Variants in TMEM266 observed in about 807,000 individuals in gnomAD.
The protein encoded by TMEM266 is Hv1 related protein 1.
In TMEM266, 33 loss-of-function variants were observed where a neutral mutation model predicts 50.5. That is an observed-to-expected ratio of 0.65 (90% CI 0.50 to 0.87). The LOEUF is 0.87. Ranked by LOEUF, TMEM266 falls within the 40% of genes least tolerant of loss-of-function variation. TMEM266 has a pLI of 0.00. For synonymous variants in TMEM266, 310 were observed against 292.3 expected (o/e 1.06, Z -0.62); for missense variants, 655 against 695.1 (o/e 0.94, Z 0.65).
intron 6 of TMEM266, 139 bp from the exon 7 acceptor site, chr15:76,170,853 GC>G: frequency 1.0e-6 from 1 of 975,574 alleles, no homozygotes; most frequent in East Asian, 2.7e-5. Flanking sequence ...GTCAGGAGGG[GC>G]CACCCGGGGT....
chr15:76,171,191 T>C, intron 7 of TMEM266, 60 bp downstream of exon 7: 2 of 1,588,564 alleles, frequency 1.3e-6, no homozygotes, highest in East Asian at 2.3e-5. Flanking sequence ...GGCTTTCAAC[T>C]GAGAGGAGAT....
Position 76,204,468 on chromosome 15 carries a change from G to A in TMEM266, c.*153G>A, listed in dbSNP as rs1283214485. Reference sequence around the variant, plus strand: ...CCTCCAGGGAGGCGACGCCAGGCCAGGAGGCCACAAGCTTCAGACCTCAAA... The same window carrying A: ...CCTCCAGGGAGGCGACGCCAGGCCAAGAGGCCACAAGCTTCAGACCTCAAA... On this transcript the variant is annotated 3_prime_UTR_variant, in exon 11 of 11. Transcript: ENST00000388942. 3.0e-6 allele frequency: 2 copies of A among 661,672 alleles called. No homozygotes were observed. The highest frequency in any genetic ancestry group is 5.1e-6 in the Non-Finnish European group (2 of 395,838). 41.0% of individuals were successfully genotyped at this position (661,672 alleles called of 1,614,324 possible). A position where few individuals can be genotyped will look rare whatever the true frequency, so the allele number is the denominator to read the frequency against.
At chr15:76,180,005 T>C (rs2038374195) in intron 8 of TMEM266, among the ~76,000 whole-genome samples, 1 of 152,206 alleles carries the variant, frequency 6.6e-6, no homozygotes, top group South Asian at 2.1e-4. Flanking sequence ...CTTGCTCTCT[T>C]GCTGGGGTGT....
intron 5 of TMEM266, among the ~76,000 whole-genome samples, chr15:76,162,623 C>T (rs1206959315): frequency 3.9e-5 from 6 of 152,182 alleles, no homozygotes; most frequent in Admixed American, 2.6e-4. Context: ...TAGGGTTATG[C>T]GGCCAGTTAA....
intron 1 of TMEM266, among the ~76,000 whole-genome samples, chr15:76,131,238 G>C (rs2037505427): frequency 6.6e-6 from 1 of 152,144 alleles, no homozygotes; most frequent in African/African-American, 2.4e-5. Flanking sequence ...GTGGTGGCAG[G>C]CACCTGTAAT....
chr15:76,192,701 C>CTA (rs1472773385), intron 9 of TMEM266, among the ~76,000 whole-genome samples: 2 of 152,138 alleles, frequency 1.3e-5, no homozygotes, highest in Non-Finnish European at 2.9e-5. Flanking sequence ...GGAACACGAG[C>CTA]GATAGCCCAG....
At chr15:76,072,004 A>C (rs926565091) in intron 1 of TMEM266, among the ~76,000 whole-genome samples, 1 of 152,164 alleles carries the variant, frequency 6.6e-6, no homozygotes, top group African/African-American at 2.4e-5. Context: ...GTTATCATCA[A>C]GGGGCAGGGA....
chr15:76,063,012 C>A (rs1171497234), intron 1 of TMEM266, among the ~76,000 whole-genome samples: 1 of 152,114 alleles, frequency 6.6e-6, no homozygotes, highest in African/African-American at 2.4e-5. Context: ...CTTGATCGAC[C>A]TTGTAAGCTA....
At chr15:76,155,928 G>A (rs923789286) in intron 3 of TMEM266, among the ~76,000 whole-genome samples, 2 of 152,150 alleles carry the variant, frequency 1.3e-5, no homozygotes, top group African/African-American at 2.4e-5. Context: ...TTAGACACAC[G>A]GAAGTGCAGT....
intron 10 of TMEM266, 83 bp from the exon 11 acceptor site, chr15:76,203,658 C>T (rs376551703): frequency 4.9e-5 from 66 of 1,345,224 alleles, no homozygotes; most frequent in Middle Eastern, 3.7e-4. Flanking sequence ...CATTGCCCAC[C>T]GCCCGGCTCA....
intron 1 of TMEM266, among the ~76,000 whole-genome samples, chr15:76,097,315 A>G (rs1399471343): frequency 6.6e-6 from 1 of 152,044 alleles, no homozygotes; most frequent in East Asian, 1.9e-4. Flanking sequence ...GATGGTGACA[A>G]AATCTCTCAG....
At chr15:76,119,789 A>G in intron 1 of TMEM266, among the ~76,000 whole-genome samples, 1 of 152,216 alleles carries the variant, frequency 6.6e-6, no homozygotes, top group East Asian at 1.9e-4. Context: ...AATTAAAAAA[A>G]GAAGAAAAAG....
intron 1 of TMEM266, among the ~76,000 whole-genome samples, chr15:76,081,811 G>C (rs973543543): frequency 6.6e-5 from 10 of 152,166 alleles, no homozygotes; most frequent in African/African-American, 2.4e-4. Flanking sequence ...GACAATCCAT[G>C]GCACAGCTGG....
At chr15:76,079,391 G>A (rs922209647) in intron 1 of TMEM266, among the ~76,000 whole-genome samples, 5 of 147,676 alleles carry the variant, frequency 3.4e-5, no homozygotes, top group Non-Finnish European at 6.0e-5. Context: ...CAGGTCTCCC[G>A]GTTACTCTTC....
intron 9 of TMEM266, among the ~76,000 whole-genome samples, chr15:76,196,387 G>A (rs1383390599): frequency 6.6e-6 from 1 of 152,172 alleles, no homozygotes; most frequent in Non-Finnish European, 1.5e-5. Context: ...AGAACACAGG[G>A]CTGGCGAGGA....
chr15:76,181,278 C>G (rs1044673658), intron 8 of TMEM266: 2 of 152,290 alleles, frequency 1.3e-5, no homozygotes, highest in African/African-American at 4.8e-5. Flanking sequence ...GGCCCTCTGG[C>G]TTTGACAGGG....
Position 76,168,795 on chromosome 15 carries a change from G to A in TMEM266, c.457-1021G>A, listed in dbSNP as rs2038139022. 6.6e-6 allele frequency among the ~76,000 whole-genome samples: 1 copy of A among 152,216 alleles called. No homozygotes were observed. Among genetic ancestry groups the A allele is most frequent in the Non-Finnish European group, 1.5e-5 (1 of 68,048 alleles). ...AGCACAAGGTACAAGGCAGTGCTGT[G>A]GAGGGTGACGCCCAGAAACCATAGG... On this transcript the variant is annotated intron_variant, in intron 5 of 10. Transcript: ENST00000388942. The surrounding 1 kb of genome is among the most constrained non-coding windows in gnomAD (Gnocchi z 4.4).
chr15:76,191,898 C>A, intron 8 of TMEM266, 70 bp from the exon 9 acceptor site: 1 of 1,418,762 alleles, frequency 7.0e-7, no homozygotes, highest in Middle Eastern at 2.6e-4. Context: ...AGCAAAGCGC[C>A]CAGAGGTCAG....
chr15:76,184,820 C>T (rs1391359441), intron 8 of TMEM266, among the ~76,000 whole-genome samples: 1 of 152,180 alleles, frequency 6.6e-6, no homozygotes, highest in Non-Finnish European at 1.5e-5. Context: ...CTGCGGGCTT[C>T]CCTGTGGATC....
Sources: gnomAD v4.1 joint callset for allele counts (sites outside exome capture counted in the v4.1 genomes callset) on GRCh38, gnomAD v4.1.1 for gene constraint, Gnocchi (gnomAD v3.1) non-coding constraint, MANE v1.5 for transcripts, NCBI Gene and HGNC (gene_info 2026-07-23, HGNC 2026-07-21) for gene names.